LAMA1: variants seen among roughly 807,000 people sequenced by gnomAD.
The protein encoded by LAMA1 is laminin subunit alpha 1, also known as laminin subunit alpha-1.
A neutral mutation model predicts 348.7 loss-of-function variants in LAMA1; 219 were observed. The observed-to-expected ratio is 0.63, with a 90% CI of 0.56 to 0.70. The LOEUF is 0.70. Among genes scored for constraint, LAMA1 ranks in the 30% least tolerant of loss-of-function variants. The pLI, the probability that LAMA1 is intolerant of heterozygous loss-of-function variation, is 0.00. For synonymous variants in LAMA1, 1,487 were observed against 1,491.0 expected, an observed-to-expected ratio of 1.00 and a Z score of 0.06; for missense variants, 3,744 against 3,888.0, an observed-to-expected ratio of 0.96 and a Z score of 0.99.
chr18:6,965,641 G>A lies in LAMA1; in HGVS notation c.7051-209C>T, dbSNP rs555846795. The A allele has an allele frequency of 1.7e-5, 10 of 582,172 alleles. No homozygotes were observed. The South Asian group carries it at 2.0e-4, about 12-fold the overall frequency. The allele number at this position is 582,172 out of a possible 1,614,324, so 36.1% of individuals were successfully genotyped here. On this transcript the variant is annotated intron_variant, in intron 49 of 62. Coordinates refer to ENST00000389658, the MANE Select transcript of LAMA1 (RefSeq NM_005559.4). ...TAATATAAATGAAATGTCATCTGTT[G>A]TTACCAAAATCCACAATTCAGTAAG...
intron 1 of LAMA1, among the ~76,000 whole-genome samples, chr18:7,098,901 T>C (rs1211018444): frequency 1.3e-5 from 2 of 148,794 alleles, no homozygotes; most frequent in Non-Finnish European, 3.0e-5. Context: ...GGGGCGCCTC[T>C]GCCCGGCCGC....
At chr18:7,072,233 T>C (rs766235187) in intron 3 of LAMA1, among the ~76,000 whole-genome samples, 5 of 152,224 alleles carry the variant, frequency 3.3e-5, no homozygotes, top group Non-Finnish European at 7.3e-5. Flanking sequence ...TGGTTTAACA[T>C]TTCCCTTGGT....
chr18:6,986,000 T>C, intron 37 of LAMA1, 137 bp downstream of exon 37: 1 of 883,174 alleles, frequency 1.1e-6, no homozygotes, highest in South Asian at 1.4e-5. Flanking sequence ...CCTCATGATC[T>C]GCCTGCCTCG....
intron 23 of LAMA1, 68 bp from the exon 24 acceptor site, chr18:7,012,206 AC>A (rs2057863952): frequency 6.7e-7 from 1 of 1,500,362 alleles, no homozygotes; most frequent in South Asian, 1.1e-5. Context: ...ACAAACAGAG[AC>A]AAAATAGAGC....
chr18:7,047,400 CAATA>C (rs1201336943), intron 5 of LAMA1, among the ~76,000 whole-genome samples: 1 of 151,958 alleles, frequency 6.6e-6, no homozygotes. Context: ...TTCAAATAAA[CAATA>C]AAACTCTGCC....
intron 10 of LAMA1, among the ~76,000 whole-genome samples, chr18:7,039,405 C>A (rs1305760817): frequency 6.6e-6 from 1 of 152,078 alleles, no homozygotes; most frequent in African/African-American, 2.4e-5. Flanking sequence ...TATTGTAAGG[C>A]CAAATAAAAC....
rs761975014 is a variant in LAMA1 at position 6,961,578 on chromosome 18, C to A, written c.7626+8G>T. 1 of 1,613,038 alleles carries A rather than the reference C, an allele frequency of 6.2e-7. No individual in the cohort carries two copies. The highest frequency in any genetic ancestry group is 8.5e-7 in the Non-Finnish European group (1 of 1,180,000). On this transcript the variant is annotated splice_region_variant and intron_variant, in intron 53 of 62. Transcript: ENST00000389658. ...AGCTTGGGGCTCAGGAGCACTGGCC[C>A]TACTCACCACGTGTGCTTCCTCACG...
At position 7,009,222 on chromosome 18, in the gene LAMA1, C is replaced by T. The variant is rs1253972574; in HGVS notation, c.4001+17G>A. 6.2e-7 allele frequency: 1 copy of T among 1,613,988 alleles called. No homozygotes were observed. On this transcript the variant is annotated intron_variant, in intron 27 of 62. Coordinates refer to ENST00000389658, the MANE Select transcript of LAMA1 (RefSeq NM_005559.4). ...AAATATGAAAATAACGGTCAAAATTCTAGAAGCTCCAAGTACCTGCTCTGC... is the reference window on the plus strand; with the variant it reads ...AAATATGAAAATAACGGTCAAAATTTTAGAAGCTCCAAGTACCTGCTCTGC...
chr18:7,017,501 C>T, intron 19 of LAMA1, 117 bp from the exon 20 acceptor site: 2 of 769,530 alleles, frequency 2.6e-6, no homozygotes, highest in South Asian at 1.5e-5. Flanking sequence ...AATCACAAAA[C>T]TAAAAATAAT....
At chr18:7,060,795 C>T (rs1019625605) in intron 3 of LAMA1, among the ~76,000 whole-genome samples, 10 of 152,156 alleles carry the variant, frequency 6.6e-5, no homozygotes, top group Non-Finnish European at 1.0e-4. Flanking sequence ...GAGCCCACCC[C>T]GCAAGCTGAC....
At chr18:7,105,012 T>G (rs2058306304) in intron 1 of LAMA1, among the ~76,000 whole-genome samples, 1 of 152,182 alleles carries the variant, frequency 6.6e-6, no homozygotes. Flanking sequence ...TGCATGTATG[T>G]CTGAGTGTGA....
chr18:7,103,741 C>T (rs949525477), intron 1 of LAMA1, among the ~76,000 whole-genome samples: 1 of 151,340 alleles, frequency 6.6e-6, no homozygotes, highest in African/African-American at 2.4e-5. Flanking sequence ...ATCGCTTAAA[C>T]CCAGGAGGTG....
chr18:7,095,065 GTTTT>G (rs779909400), intron 1 of LAMA1, among the ~76,000 whole-genome samples: 1 of 114,708 alleles, frequency 8.7e-6, no homozygotes, highest in African/African-American at 3.2e-5. Context: ...TCCCTTGACT[GTTTT>G]TTTTTTTTTT....
chr18:7,062,522 C>T (rs139635505), intron 3 of LAMA1, among the ~76,000 whole-genome samples: 54 of 152,274 alleles, frequency 3.5e-4, no homozygotes, highest in Non-Finnish European at 7.2e-4. Flanking sequence ...GCTACAGGGT[C>T]ACCGGAGCTG....
chr18:7,029,426 G>A (rs550259922), intron 16 of LAMA1, among the ~76,000 whole-genome samples: 1 of 152,354 alleles, frequency 6.6e-6, no homozygotes, highest in East Asian at 1.9e-4. Context: ...CAGAGTAACT[G>A]CAATTTCATT....
chr18:7,007,080 G>T, intron 29 of LAMA1, 59 bp downstream of exon 29: 1 of 1,602,490 alleles, frequency 6.2e-7, no homozygotes, highest in South Asian at 1.1e-5. Flanking sequence ...CCGGAAATCT[G>T]ACACTCAGCG....
chr18:7,102,539 A>G (rs1175102135), intron 1 of LAMA1, among the ~76,000 whole-genome samples: 1 of 152,222 alleles, frequency 6.6e-6, no homozygotes, highest in Non-Finnish European at 1.5e-5. Flanking sequence ...TTCATGCAGT[A>G]GAAATGTAGT....
In LAMA1 at chr18:6,974,911, A is replaced by G. The variant is rs781514841; in HGVS notation, c.6615T>C (p.His2205=). The G allele has an allele frequency of 1.1e-5, 18 of 1,614,180 alleles. No individual in the cohort carries two copies. Among genetic ancestry groups the G allele is most frequent in the South Asian group, 3.3e-5 (3 of 91,082 alleles). The change falls in exon 46 of 63, where the codon CAT becomes CAC. Residue 2205 remains histidine, a synonymous_variant. Transcript: ENST00000389658. ...PIDDNRWHSI[H]VARFGNIGSL... ...AGAACATTCTCTTCTACCTGGCTAC[A>G]TGGATACTGTGCCATCTGTTGTCAT...
At chr18:7,009,555 T>C (rs1030578950) in intron 26 of LAMA1, among the ~76,000 whole-genome samples, 189 bp from the exon 27 acceptor site, 1 of 152,132 alleles carries the variant, frequency 6.6e-6, no homozygotes, top group Non-Finnish European at 1.5e-5. Context: ...CCATTATCAA[T>C]AGATATGCAT....
Sources: gnomAD v4.1 joint callset for allele counts (sites outside exome capture counted in the v4.1 genomes callset) on GRCh38, gnomAD v4.1.1 for gene constraint, MANE v1.5 for transcripts, NCBI Gene and HGNC (gene_info 2026-07-23, HGNC 2026-07-21) for gene names.